CA10: variants seen among roughly 807,000 people sequenced by gnomAD.
The protein encoded by CA10 is carbonic anhydrase 10 (inactive).
In CA10, 14 loss-of-function variants were observed where a neutral mutation model predicts 44.2. The observed-to-expected ratio is 0.32, with a 90% CI of 0.21 to 0.50. The LOEUF is 0.50. CA10 is among the 20% of genes least tolerant of loss of function. The pLI, the probability that CA10 is intolerant of heterozygous loss-of-function variation, is 0.99. For missense variants in CA10, 350 were observed against 409.7 expected (o/e 0.85, Z 1.26); for synonymous variants, 159 against 141.6 (o/e 1.12, Z -0.87).
At chr17:52,104,435 C>T (rs992409004) in intron 1 of CA10, among the ~76,000 whole-genome samples, 1 of 152,062 alleles carries the variant, frequency 6.6e-6, no homozygotes, top group African/African-American at 2.4e-5. Flanking sequence ...AATTCCTGAG[C>T]TCAAGCAACC....
chr17:51,747,290 C>T (rs769592391), intron 4 of CA10, among the ~76,000 whole-genome samples: 2 of 152,246 alleles, frequency 1.3e-5, no homozygotes, highest in Middle Eastern at 3.4e-3. Context: ...AGAGGCTGAT[C>T]GCCCAGATAG....
chr17:51,645,733 A>G (rs1913306205), intron 6 of CA10, among the ~76,000 whole-genome samples: 1 of 152,218 alleles, frequency 6.6e-6, no homozygotes, highest in South Asian at 2.1e-4. Context: ...GCATGATAGG[A>G]AGGAAAAGCA....
chr17:51,673,257 C>T (rs2016827), intron 4 of CA10, among the ~76,000 whole-genome samples: 2 of 151,966 alleles, frequency 1.3e-5, no homozygotes, highest in Non-Finnish European at 2.9e-5. Context: ...GATGGTAGAG[C>T]CAAGGGATGG....
At chr17:51,887,323 C>T (rs542943311) in intron 3 of CA10, among the ~76,000 whole-genome samples, 5 of 152,262 alleles carry the variant, frequency 3.3e-5, no homozygotes, top group Admixed American at 3.3e-4. Flanking sequence ...CAAGCAGGCC[C>T]ACAAGGCTGA....
At chr17:52,048,407 G>T (rs560062881) in intron 2 of CA10, among the ~76,000 whole-genome samples, 3 of 152,106 alleles carry the variant, frequency 2.0e-5, no homozygotes, top group South Asian at 4.2e-4. Flanking sequence ...GCCAGGCACC[G>T]TGCAGGCAGT....
chr17:51,658,145 G>C (rs910752571), intron 4 of CA10, among the ~76,000 whole-genome samples: 2 of 152,174 alleles, frequency 1.3e-5, no homozygotes, highest in African/African-American at 4.8e-5. Flanking sequence ...ATGATGCAGT[G>C]CATTCTCTAT....
At chr17:51,677,062 A>G (rs939442549) in intron 4 of CA10, among the ~76,000 whole-genome samples, 1 of 152,174 alleles carries the variant, frequency 6.6e-6, no homozygotes, top group Non-Finnish European at 1.5e-5. Context: ...TTGAAAGAGC[A>G]TACATTTTGT....
intron 4 of CA10, among the ~76,000 whole-genome samples, chr17:51,677,891 C>A (rs959335076): frequency 1.4e-5 from 2 of 143,260 alleles, no homozygotes; most frequent in African/African-American, 4.9e-5. Flanking sequence ...ATACACCCCC[C>A]CCCCCACCGG....
chr17:51,904,057 T>A (rs1316667375), intron 3 of CA10, among the ~76,000 whole-genome samples: 1 of 151,718 alleles, frequency 6.6e-6, no homozygotes, highest in Non-Finnish European at 1.5e-5. Context: ...TTTCTGTTTA[T>A]CTGGTATGCA....
intron 2 of CA10, among the ~76,000 whole-genome samples, chr17:52,026,667 A>G (rs911110638): frequency 1.3e-5 from 2 of 152,160 alleles, no homozygotes; most frequent in African/African-American, 4.8e-5. Flanking sequence ...AACAAGGAGA[A>G]GTGCCAAACA....
chr17:52,050,771 C>A (rs926947355), intron 2 of CA10, among the ~76,000 whole-genome samples: 3 of 152,048 alleles, frequency 2.0e-5, no homozygotes, highest in African/African-American at 7.2e-5. Flanking sequence ...CAAATGACAT[C>A]TTCCCAGCAA....
intron 1 of CA10, among the ~76,000 whole-genome samples, chr17:52,129,215 A>C (rs941655957): frequency 6.6e-6 from 1 of 152,046 alleles, no homozygotes; most frequent in Non-Finnish European, 1.5e-5. Context: ...CATCAACCAA[A>C]CTAGCATTTA....
At chr17:51,871,050 CTTTTTTTTTTTTTTT>C (rs56319440) in intron 3 of CA10, among the ~76,000 whole-genome samples, 2 of 94,854 alleles carry the variant, frequency 2.1e-5, no homozygotes, top group Non-Finnish European at 4.4e-5. Context: ...TCCCACTTTA[CTTTTTTTTTTTTTTT>C]TTTTTTTTTT....
At chr17:51,784,231 A>G (rs1488724508) in intron 3 of CA10, among the ~76,000 whole-genome samples, 1 of 152,034 alleles carries the variant, frequency 6.6e-6, no homozygotes, top group African/African-American at 2.4e-5. Flanking sequence ...TGGCAAACCC[A>G]TGTATGTGGA....
chr17:51,871,399 T>TC (rs1174294800), intron 3 of CA10, among the ~76,000 whole-genome samples: 1 of 139,986 alleles, frequency 7.1e-6, no homozygotes, highest in East Asian at 2.1e-4. Flanking sequence ...GCCTAATTTT[T>TC]TTTTTTTTTT....
At chr17:52,024,848 T>C (rs1395445924) in intron 2 of CA10, among the ~76,000 whole-genome samples, 1 of 152,036 alleles carries the variant, frequency 6.6e-6, no homozygotes, top group Non-Finnish European at 1.5e-5. Flanking sequence ...ATAATGGTGA[T>C]AGTGATAATA....
At chr17:51,712,840 G>A (rs998740460) in intron 4 of CA10, among the ~76,000 whole-genome samples, 1 of 152,078 alleles carries the variant, frequency 6.6e-6, no homozygotes, top group African/African-American at 2.4e-5. Context: ...TTCTTCTTTT[G>A]GGGGTTTGCC....
At chr17:51,772,327 TAA>T (rs1598037525) in intron 3 of CA10, among the ~76,000 whole-genome samples, 1 of 152,206 alleles carries the variant, frequency 6.6e-6, no homozygotes, top group East Asian at 1.9e-4. Context: ...GTAACAATTA[TAA>T]AGATATATGC....
At chr17:51,979,648 T>C (rs535999141) in intron 2 of CA10, among the ~76,000 whole-genome samples, 64 of 152,302 alleles carry the variant, frequency 4.2e-4, no homozygotes, top group African/African-American at 1.5e-3. Context: ...CAATAAATCA[T>C]CTATGTCTAG....
Sources: allele counts gnomAD v4.1 joint callset (sites outside exome capture counted in the v4.1 genomes callset), GRCh38; gene constraint gnomAD v4.1.1; transcripts MANE v1.5; gene names NCBI Gene and HGNC (gene_info 2026-07-23, HGNC 2026-07-21).